Variants in GRIK4 observed in about 807,000 individuals in gnomAD.
The protein encoded by GRIK4 is glutamate ionotropic receptor kainate type subunit 4.
Under a neutral mutation model 104.9 loss-of-function variants are expected in GRIK4, and 40 were observed. That is an observed-to-expected ratio of 0.38 (90% CI 0.30 to 0.50). GRIK4 has a LOEUF of 0.50. Ranked by LOEUF, GRIK4 falls within the 20% of genes least tolerant of loss-of-function variation. The probability of loss-of-function intolerance (pLI) is 0.93; values close to 1 mark genes in which losing one functional copy is unlikely to be tolerated. For missense variants in GRIK4, 1,047 were observed against 1,308.1 expected (o/e 0.80, Z 3.08); for synonymous variants, 485 against 524.9 (o/e 0.92, Z 1.04).
At chr11:120,759,172 C>T (rs1348900887) in intron 3 of GRIK4, among the ~76,000 whole-genome samples, 1 of 152,178 alleles carries the variant, frequency 6.6e-6, no homozygotes, top group Non-Finnish European at 1.5e-5. Flanking sequence ...CAAGCAAGAG[C>T]TGGGGAGTGG....
At chr11:120,762,408 C>G (rs994881528) in intron 3 of GRIK4, among the ~76,000 whole-genome samples, 4 of 152,230 alleles carry the variant, frequency 2.6e-5, no homozygotes, top group South Asian at 2.1e-4. Flanking sequence ...TTGACTTCCT[C>G]TCTTCCTATT....
intron 3 of GRIK4, among the ~76,000 whole-genome samples, chr11:120,724,227 T>A (rs1423526496): frequency 6.6e-6 from 1 of 152,170 alleles, no homozygotes; most frequent in Non-Finnish European, 1.5e-5. Flanking sequence ...TAGCTCACTG[T>A]AACCATGAAC....
chr11:120,516,883 G>A (rs1000856361), intron 1 of GRIK4, among the ~76,000 whole-genome samples: 17 of 152,054 alleles, frequency 1.1e-4, no homozygotes, highest in Non-Finnish European at 2.4e-4. Context: ...GCCTGAGGAG[G>A]AGCCTGGAGC....
At chr11:120,868,015 G>C (rs1399242909) in intron 9 of GRIK4, 3 of 152,158 alleles carry the variant, frequency 2.0e-5, no homozygotes, top group Admixed American at 2.0e-4. Flanking sequence ...TTCCTGTCCT[G>C]GTATTATATT....
chr11:120,900,536 A>G (rs1942703364), intron 12 of GRIK4, among the ~76,000 whole-genome samples: 1 of 152,200 alleles, frequency 6.6e-6, no homozygotes, highest in South Asian at 2.1e-4. Context: ...TAGACAGTAA[A>G]AAGCAATGTT....
Position 120,887,342 on chromosome 11 carries a change from C to T in GRIK4, c.1165-11190C>T, listed in dbSNP as rs187841289. On this transcript the variant is annotated intron_variant, in intron 11 of 20. Coordinates refer to ENST00000527524, the MANE Select transcript of GRIK4 (RefSeq NM_014619.5). ...CTTCTGGGGTTGCCTGCTCAGGAAA[C>T]TGCTCAGACAAGAGTTGCTGACACT... Among the ~76,000 whole-genome samples, 938 of 152,288 alleles carry T rather than the reference C, an allele frequency of 6.2e-3. 3 individuals are homozygous for T. The highest frequency in any genetic ancestry group is 7.3e-3 in the Non-Finnish European group (497 of 68,032).
At chr11:120,942,260 G>A (rs1943743256) in intron 14 of GRIK4, among the ~76,000 whole-genome samples, 1 of 152,160 alleles carries the variant, frequency 6.6e-6, no homozygotes, top group Non-Finnish European at 1.5e-5. Flanking sequence ...CTGGAACCCA[G>A]GCCCCTTAAC....
At chr11:120,962,823 G>GTTTTT in intron 18 of GRIK4, 142 bp downstream of exon 18, 1 of 451,054 alleles carries the variant, frequency 2.2e-6, no homozygotes, top group Non-Finnish European at 3.9e-6. Context: ...GCATTCTAAA[G>GTTTTT]TTTTTTTTTT....
chr11:120,521,986 T>C (rs1565536866), intron 1 of GRIK4, among the ~76,000 whole-genome samples: 1 of 152,340 alleles, frequency 6.6e-6, no homozygotes, highest in East Asian at 1.9e-4. Context: ...TTGTATGTAT[T>C]AAGTTGATTC....
chr11:120,512,463 C>T (rs1188470240), intron 1 of GRIK4, among the ~76,000 whole-genome samples: 2 of 152,080 alleles, frequency 1.3e-5, no homozygotes, highest in African/African-American at 2.4e-5. Context: ...GCACTGGACT[C>T]GGGCCACCAC....
intron 3 of GRIK4, among the ~76,000 whole-genome samples, chr11:120,788,254 T>G (rs1434308733): frequency 6.6e-6 from 1 of 152,134 alleles, no homozygotes; most frequent in African/African-American, 2.4e-5. Flanking sequence ...ATGTAGTAGC[T>G]CCAAGATCAA....
chr11:120,842,483 T>C (rs1253352197), intron 8 of GRIK4, among the ~76,000 whole-genome samples: 1 of 152,232 alleles, frequency 6.6e-6, no homozygotes, highest in Non-Finnish European at 1.5e-5. Context: ...ATGAGTTTAA[T>C]GATCACAAAG....
At chr11:120,728,210 G>C (rs984251293) in intron 3 of GRIK4, among the ~76,000 whole-genome samples, 1 of 152,166 alleles carries the variant, frequency 6.6e-6, no homozygotes, top group South Asian at 2.1e-4. Context: ...AAATGACATT[G>C]TCATTCTGAC....
intron 1 of GRIK4, among the ~76,000 whole-genome samples, chr11:120,548,207 A>G (rs1350588544): frequency 6.6e-6 from 1 of 152,040 alleles, no homozygotes; most frequent in Non-Finnish European, 1.5e-5. Context: ...ATGAAAATAG[A>G]CACCATGCAT....
intron 1 of GRIK4, among the ~76,000 whole-genome samples, chr11:120,539,897 T>A (rs900889372): frequency 6.6e-6 from 1 of 152,154 alleles, no homozygotes; most frequent in Non-Finnish European, 1.5e-5. Context: ...ACCCACCAAA[T>A]GCAATGTTAA....
chr11:120,571,941 C>T (rs772988553), intron 1 of GRIK4, among the ~76,000 whole-genome samples: 4 of 152,166 alleles, frequency 2.6e-5, no homozygotes, highest in South Asian at 2.1e-4. Flanking sequence ...AGGAAGTCAC[C>T]GGAGGCATCC....
At chr11:120,589,832 A>G (rs781182294) in intron 1 of GRIK4, among the ~76,000 whole-genome samples, 32 of 152,122 alleles carry the variant, frequency 2.1e-4, no homozygotes, top group Non-Finnish European at 1.0e-4. Flanking sequence ...AGGGACACAC[A>G]CAGTCCTGCT....
intron 3 of GRIK4, among the ~76,000 whole-genome samples, chr11:120,780,986 C>G (rs575047141): frequency 6.6e-6 from 1 of 152,306 alleles, no homozygotes; most frequent in South Asian, 2.1e-4. Flanking sequence ...TCGTGATCTG[C>G]CTGCCTCGGC....
chr11:120,857,121 C>G lies in GRIK4; in HGVS notation c.745-4838C>G, dbSNP rs191803091. On this transcript the variant is annotated intron_variant, in intron 8 of 20. Coordinates refer to ENST00000527524, the MANE Select transcript of GRIK4 (RefSeq NM_014619.5). ...CTCACAGTTTCCCAGACCCTCTCTT[C>G]CTCTCATCCTCCAACAAAACTACCT... Among the ~76,000 whole-genome samples the G allele has an allele frequency of 5.7e-4, 87 of 152,320 alleles. 1 individual carries two copies. The highest frequency in any genetic ancestry group is 2.1e-3 in the African/African-American group (87 of 41,574).
Sources: gnomAD v4.1 joint callset for allele counts (sites outside exome capture counted in the v4.1 genomes callset) on GRCh38, gnomAD v4.1.1 for gene constraint, MANE v1.5 for transcripts, NCBI Gene and HGNC (gene_info 2026-07-23, HGNC 2026-07-21) for gene names.